ZAN: variants seen among roughly 807,000 people sequenced by gnomAD.
ZAN encodes the protein zonadhesin (gene/pseudogene).
ZAN carries 260 observed loss-of-function variants against 286.2 expected under a neutral mutation model. The ratio of observed to expected loss-of-function variants is 0.91; its 90% CI spans 0.82 to 1.01. The LOEUF (loss-of-function observed/expected upper bound fraction) is 1.01, where lower values mean the gene tolerates loss of function less well. Ranked by LOEUF, ZAN falls within the 50% of genes least tolerant of loss-of-function variation. ZAN has a pLI of 0.00. For synonymous variants in ZAN, 1,368 were observed against 1,417.5 expected, an observed-to-expected ratio of 0.97 and a Z score of 0.79; for missense variants, 3,410 against 3,639.2, an observed-to-expected ratio of 0.94 and a Z score of 1.62.
In ZAN at chr7:100,762,384, G is replaced by T. The variant is rs202005411; in HGVS notation, c.3986+26G>T. The T allele has an allele frequency of 3.6e-4, 571 of 1,581,674 alleles. 4 individuals are homozygous for T. Among genetic ancestry groups the T allele is most frequent in the Middle Eastern group, 1.7e-4 (1 of 5,896 alleles). ...GTGAGCAAGGAGCCCTCCCACCGGG[G>T]CCCTGGGAAGGTTCCGTCCCCTTCC... On this transcript the variant is annotated intron_variant, in intron 20 of 47. Transcript: ENST00000613979.
chr7:100,785,411 A>C (rs1811495771), intron 36 of ZAN, among the ~76,000 whole-genome samples: 1 of 151,752 alleles, frequency 6.6e-6, no homozygotes, highest in Non-Finnish European at 1.5e-5. Context: ...TTGAATTTTT[A>C]GTAGAGATTG....
intron 38 of ZAN, 126 bp downstream of exon 38, chr7:100,788,262 C>A: frequency 7.6e-7 from 1 of 1,313,492 alleles, no homozygotes; most frequent in South Asian, 1.9e-5. Context: ...GTTGTAAAAT[C>A]AGAGTCAGCA....
chr7:100,794,696 A>G (rs314341), intron 44 of ZAN, among the ~76,000 whole-genome samples: 79,351 of 151,626 alleles, frequency 0.52, 21,745 homozygotes, highest in Middle Eastern at 0.73. Context: ...AAAAGAGCTG[A>G]GTGTGGTGGT....
chr7:100,752,758 C>T lies in ZAN; in HGVS notation c.2653C>T (p.Pro885Ser), dbSNP rs773443208. 2 of 1,540,238 alleles carry T rather than the reference C, an allele frequency of 1.3e-6. No homozygotes were observed. Among genetic ancestry groups the T allele is most frequent in the Non-Finnish European group, 1.8e-6 (2 of 1,132,180 alleles). The change falls in exon 14 of 48, where the codon CCC becomes TCC. Residue 885 changes from proline to serine, a missense_variant. Coordinates refer to ENST00000613979, the MANE Select transcript of ZAN (RefSeq NM_003386.3). The stretch of plus-strand genomic sequence containing the variant: ...AAAACTCACCATCCCCACGGAAAAA[C>T]CCACCATCCCCATTGAAGAGACTAC... ...TEKLTIPTEK[P>S]TIPIEETTIS...
At position 100,797,430 on chromosome 7, in the gene ZAN, G is replaced by A; in HGVS notation, c.8331G>A (p.Val2777=). Residue 2777 remains valine (V), a synonymous_variant, in exon 46 of 48, where the codon GTG becomes GTA. Transcript: ENST00000613979. ...LVPVVVVLLA[V]TRECIYRTRR... is the part of the protein sequence containing the mutation. ...CTGTGGTGGTCGTACTACTGGCCGTGACCAGAGAGTGCATTTACAGAACGA... is the reference window on the plus strand; with the variant it reads ...CTGTGGTGGTCGTACTACTGGCCGTAACCAGAGAGTGCATTTACAGAACGA... 6.2e-7 allele frequency: 1 copy of A among 1,613,890 alleles called. No individual in the cohort carries two copies. Among genetic ancestry groups the A allele is most frequent in the Non-Finnish European group, 8.5e-7 (1 of 1,179,860 alleles).
At chr7:100,762,012 A>G (rs947941690) in intron 19 of ZAN, among the ~76,000 whole-genome samples, 6 of 152,002 alleles carry the variant, frequency 3.9e-5, no homozygotes, top group African/African-American at 1.4e-4. Context: ...AGGGCCAGCA[A>G]GGGGTTTGCT....
At chr7:100,777,958 G>A (rs1015101076) in intron 34 of ZAN, among the ~76,000 whole-genome samples, 2 of 152,138 alleles carry the variant, frequency 1.3e-5, no homozygotes, top group Non-Finnish European at 2.9e-5. Flanking sequence ...TCTCAAGGCT[G>A]CTAGAACCCA....
intron 19 of ZAN, among the ~76,000 whole-genome samples, chr7:100,761,537 G>A (rs2115969597): frequency 6.6e-6 from 1 of 152,286 alleles, no homozygotes; most frequent in East Asian, 1.9e-4. Flanking sequence ...AGGAGGCTGA[G>A]GTGGGAGAAT....
chr7:100,790,957 G>A lies in ZAN; in HGVS notation c.7373G>A (p.Ser2458Asn). The A allele has an allele frequency of 6.2e-7, 1 of 1,610,638 alleles. No individual in the cohort carries two copies. Among genetic ancestry groups the A allele is most frequent in the South Asian group, 1.1e-5 (1 of 90,552 alleles). The change falls in exon 40 of 48, where the codon AGC (serine) becomes AAC (asparagine). Residue 2458 changes from serine (S) to asparagine (N), a missense_variant. Ser to Asn is a conservative substitution (Grantham distance 46, BLOSUM62 1). Coordinates refer to ENST00000613979, the MANE Select transcript of ZAN (RefSeq NM_003386.3). Reference sequence around the variant, plus strand: ...CCTCCCGCAGTGATCTCCCTACCCAGCATGTACGAGGGGCTTGTGAGTGGC... The same window carrying A: ...CCTCCCGCAGTGATCTCCCTACCCAACATGTACGAGGGGCTTGTGAGTGGC... ...GRKNAVISLPSMYEGLVSGLC... is the reference protein window; with the variant it reads ...GRKNAVISLPNMYEGLVSGLC...
At chr7:100,787,043 C>T (rs1326945418) in intron 37 of ZAN, among the ~76,000 whole-genome samples, 1 of 148,906 alleles carries the variant, frequency 6.7e-6, no homozygotes. Flanking sequence ...GCCTGGGACA[C>T]AGAGTGAGAT....
chr7:100,749,383 G>C lies in ZAN; in HGVS notation c.1249+913G>C, dbSNP rs1013050955. ...AGGCTGGGCGCAGTGGCTCACACCT[G>C]TAATCCCAGCACTTTGGGAGGCCAA... On this transcript the variant is annotated intron_variant, in intron 11 of 47. Transcript: ENST00000613979. 4.0e-5 allele frequency among the ~76,000 whole-genome samples: 6 copies of C among 151,320 alleles called. No individual in the cohort carries two copies. In the South Asian group the frequency reaches 1.3e-3, roughly 32 times the overall value.
chr7:100,751,026 C>T (rs1177463746), intron 12 of ZAN, 130 bp downstream of exon 12: 8 of 1,429,170 alleles, frequency 5.6e-6, no homozygotes, highest in Non-Finnish European at 7.4e-6. Flanking sequence ...CTTCGTGTTA[C>T]AGAAAGTGAG....
In ZAN at chr7:100,736,900, C is replaced by G; in HGVS notation, c.345C>G (p.Leu115=). 6.7e-7 allele frequency: 1 copy of G among 1,490,634 alleles called. No individual in the cohort carries two copies. Among genetic ancestry groups the G allele is most frequent in the Admixed American group, 1.9e-5 (1 of 52,806 alleles). 92.3% of individuals were successfully genotyped at this position (1,490,634 alleles called of 1,614,324 possible). ...CCGACCTATGGGAGCAAGGCCCCCT[C>G]TGTGTGCACTTTGCCCACCACATGT... is the stretch of plus-strand genomic sequence containing the variant. The part of the protein sequence containing the change: ...LSPDLWEQGP[L]CVHFAHHMFG... The change falls in exon 5 of 48, where the codon CTC becomes CTG. Residue 115 remains leucine (L), a synonymous_variant. Transcript: ENST00000613979.
At position 100,750,883 on chromosome 7, in the gene ZAN, A is replaced by T; in HGVS notation, c.1508A>T (p.Gln503Leu). The change falls in exon 12 of 48, where the codon CAA becomes CTA. Residue 503 changes from glutamine (Q) to leucine (L), a missense_variant. By Grantham distance (113) the Gln-to-Leu change is moderately radical (BLOSUM62 -2). This residue lies in a region of ZAN where 872 missense variants were observed against 938.9 expected (regional missense o/e 0.93). Transcript: ENST00000613979. The stretch of plus-strand genomic sequence containing the variant: ...TCCGTCACCGTCCCCTCAGGACACC[A>T]ACAGCCCATGCAGGTGAGAGACGGA... ...NTSVTVPSGH[Q>L]QPMQLIFKGI... The T allele has an allele frequency of 6.4e-7, 1 of 1,552,224 alleles. No homozygotes were observed. The highest frequency in any genetic ancestry group is 8.7e-7 in the Non-Finnish European group (1 of 1,147,056).
At position 100,795,098 on chromosome 7, in the gene ZAN, TG is replaced by T. The variant is rs893491419; in HGVS notation, c.8126-97del. The T allele has an allele frequency of 3.4e-5, 50 of 1,450,978 alleles. 1 individual carries two copies. The African/African-American group carries it at 7.1e-4, about 21-fold the overall frequency. The allele number at this position is 1,450,978 out of a possible 1,614,324, so 89.9% of individuals were successfully genotyped here. The stretch of plus-strand genomic sequence containing the variant: ...CCCCTGGCCAGTCTCTGGCAGCCGC[TG>T]CTTTCTCCCCGGGCGTCCCAGCCCC... On this transcript the variant is annotated intron_variant, in intron 44 of 47. Coordinates refer to ENST00000613979, the MANE Select transcript of ZAN (RefSeq NM_003386.3).
Position 100,764,048 on chromosome 7 carries a change from G to C in ZAN, c.4119G>C (p.Lys1373Asn), listed in dbSNP as rs543091941. 6.2e-7 allele frequency: 1 copy of C among 1,613,880 alleles called. No homozygotes were observed. Among genetic ancestry groups the C allele is most frequent in the South Asian group, 1.1e-5 (1 of 91,080 alleles). The change falls in exon 22 of 48, where the codon AAG becomes AAC. Residue 1373 changes from lysine to asparagine, a missense_variant. Lys to Asn is a moderately conservative substitution (Grantham distance 94). This residue lies in a region of ZAN where 1,042 missense variants were observed against 1,058.0 expected (regional missense o/e 0.98). Coordinates refer to ENST00000613979, the MANE Select transcript of ZAN (RefSeq NM_003386.3). ...TCAGGACATGCCTGCTGCACGTGAA[G>C]GCCGCTTCCTTCTTCGACAGCTGCA... ...GPFETCLLHVKAASFFDSCML... is the reference protein window; with the variant it reads ...GPFETCLLHVNAASFFDSCML...
intron 34 of ZAN, among the ~76,000 whole-genome samples, chr7:100,778,413 G>C (rs1049083032): frequency 6.6e-6 from 1 of 150,596 alleles, no homozygotes; most frequent in African/African-American, 2.4e-5. Context: ...AGACCAGCCT[G>C]GGCAACATAG....
rs755258641 is a variant in ZAN, at chr7:100,762,694, G to A, written c.3986+336G>A. ...CCTGCCTTGGCCTCTCAAAGTTCTG[G>A]GATTACAGGTGTGAGCCACCACACC... On this transcript the variant is annotated intron_variant, in intron 20 of 47. Coordinates refer to ENST00000613979, the MANE Select transcript of ZAN (RefSeq NM_003386.3). Among the ~76,000 whole-genome samples, 60 of 151,258 alleles carry A rather than the reference G, an allele frequency of 4.0e-4. 1 individual carries two copies. The Middle Eastern group carries it at 0.034, about 86-fold the overall frequency.
chr7:100,753,832 TAAAAAAAA>T, intron 14 of ZAN, among the ~76,000 whole-genome samples: 1 of 73,184 alleles, frequency 1.4e-5, no homozygotes, highest in South Asian at 5.0e-4. Flanking sequence ...GACATCGTCC[TAAAAAAAA>T]AAAAAAAAAA....
Sources: gnomAD v4.1 joint callset for allele counts (sites outside exome capture counted in the v4.1 genomes callset) on GRCh38, gnomAD v4.1.1 for gene constraint, gnomAD v4.1.1 regional missense constraint, MANE v1.5 for transcripts, NCBI Gene and HGNC (gene_info 2026-07-23, HGNC 2026-07-21) for gene names.